Variants in PCDHGA3 observed in about 807,000 individuals in gnomAD.
The protein encoded by PCDHGA3 is protocadherin gamma-A3.
PCDHGA3 carries 40 observed loss-of-function variants against 58.5 expected under a neutral mutation model. The observed-to-expected ratio is 0.68, with a 90% confidence interval of 0.53 to 0.89. The LOEUF (loss-of-function observed/expected upper bound fraction) is 0.89. PCDHGA3 is among the 40% of genes least tolerant of loss of function. The probability of loss-of-function intolerance (pLI) is 0.00; values close to 1 mark genes in which losing one functional copy is unlikely to be tolerated. For missense variants in PCDHGA3, 1,223 were observed against 1,195.9 expected, an observed-to-expected ratio of 1.02 and a Z score of -0.33; for synonymous variants, 530 against 525.7, an observed-to-expected ratio of 1.01 and a Z score of -0.11.
intron 1 of PCDHGA3, chr5:141,376,094 A>T: frequency 6.2e-7 from 1 of 1,613,544 alleles, no homozygotes. Flanking sequence ...GATCCCCGAC[A>T]TCCTGGCCGA....
chr5:141,376,466 C>G, intron 1 of PCDHGA3: 3 of 1,614,200 alleles, frequency 1.9e-6, no homozygotes, highest in Non-Finnish European at 2.5e-6. Flanking sequence ...TCTGATAACT[C>G]AGGATTTACT....
rs764658508 is a variant in PCDHGA3 at position 141,431,546 on chromosome 5, G to A, written c.2425-63261G>A. 1.2e-6 allele frequency: 2 copies of A among 1,614,000 alleles called. No homozygotes were observed. Among genetic ancestry groups the A allele is most frequent in the Admixed American group, 3.3e-5 (2 of 60,012 alleles). On this transcript the variant is annotated intron_variant, in intron 1 of 3. Coordinates refer to ENST00000253812, the MANE Select transcript of PCDHGA3 (RefSeq NM_018916.4). This position sits in a 1 kb window ranked among gnomAD's most constrained non-coding sequence, Gnocchi z 4.8. The stretch of plus-strand genomic sequence containing the variant: ...TCTGGCCTTGGGCACGCAGCTGCTT[G>A]TAGTCAACGCTACCGACCCTGACGA...
At position 141,491,856 on chromosome 5, in the gene PCDHGA3, C is replaced by T; in HGVS notation, c.2425-2951C>T. 1.4e-6 allele frequency: 2 copies of T among 1,458,728 alleles called. No individual in the cohort carries two copies. Among genetic ancestry groups the T allele is most frequent in the Non-Finnish European group, 1.8e-6 (2 of 1,103,072 alleles). 90.4% of individuals were successfully genotyped at this position (1,458,728 alleles called of 1,614,324 possible). A position where few individuals can be genotyped will look rare whatever the true frequency, so the allele number is the denominator to read the frequency against. ...TCTCGGGATCATTGGACCGTTTGCG[C>T]GAAACCAGAGTGGCCGATTAAGGGA... On this transcript the variant is annotated intron_variant, in intron 1 of 3. Coordinates refer to ENST00000253812, the MANE Select transcript of PCDHGA3 (RefSeq NM_018916.4). The surrounding 1 kb of genome is among the most constrained non-coding windows in gnomAD (Gnocchi z 6.9).
intron 1 of PCDHGA3, among the ~76,000 whole-genome samples, chr5:141,467,809 C>T (rs1026263094): frequency 6.6e-6 from 1 of 152,056 alleles, no homozygotes. Flanking sequence ...CAGGCACATG[C>T]CACCACACCA....
In PCDHGA3 at chr5:141,406,055, T is replaced by C. The variant is rs2094752189; in HGVS notation, c.2424+59598T>C. 5.3e-5 allele frequency among the ~76,000 whole-genome samples: 8 copies of C among 150,380 alleles called. No individual in the cohort carries two copies. In the South Asian group the frequency reaches 1.5e-3, roughly 28 times the overall value. On this transcript the variant is annotated intron_variant, in intron 1 of 3. Transcript: ENST00000253812. ...CTTCATTGGTTGCAGTGGACTCATA[T>C]CATAAAATTCTTACTCCTTTTTTTT...
chr5:141,407,982 G>A (rs976187867), intron 1 of PCDHGA3: 3 of 782,892 alleles, frequency 3.8e-6, no homozygotes, highest in Non-Finnish European at 5.7e-6. Context: ...CCGGGGATCC[G>A]TCAGCCTCTG....
chr5:141,361,697 A>T, intron 1 of PCDHGA3: 1 of 1,613,448 alleles, frequency 6.2e-7, no homozygotes. Flanking sequence ...CGCGCCTTCG[A>T]TCATGAGCAG....
intron 1 of PCDHGA3, chr5:141,392,879 G>T: frequency 1.2e-6 from 2 of 1,613,512 alleles, no homozygotes; most frequent in East Asian, 2.2e-5. Flanking sequence ...TGCTGGGAAC[G>T]CTGTGGGAAA....
At chr5:141,480,910 T>C (rs985100480) in intron 1 of PCDHGA3, among the ~76,000 whole-genome samples, 5 of 152,106 alleles carry the variant, frequency 3.3e-5, no homozygotes, top group Non-Finnish European at 7.4e-5. Flanking sequence ...CTGGGCATGG[T>C]GGCGCATACC....
At chr5:141,442,158 A>T (rs966591795) in intron 1 of PCDHGA3, 1 of 157,594 alleles carries the variant, frequency 6.3e-6, no homozygotes, top group African/African-American at 2.4e-5. Context: ...CTCAGCGATC[A>T]CTCTGCAAAG....
intron 1 of PCDHGA3, chr5:141,393,940 C>T: frequency 3.7e-6 from 6 of 1,613,928 alleles, no homozygotes; most frequent in Non-Finnish European, 5.1e-6. Flanking sequence ...GACCAAGACT[C>T]TGGAAAGAAT....
intron 1 of PCDHGA3, chr5:141,350,776 T>C (rs2149758919): frequency 2.5e-6 from 4 of 1,613,926 alleles, no homozygotes; most frequent in Non-Finnish European, 2.5e-6. Context: ...TCAACCCCAA[T>C]CAATACTTCT....
chr5:141,370,278 A>G, intron 1 of PCDHGA3: 2 of 888,588 alleles, frequency 2.3e-6, no homozygotes, highest in Non-Finnish European at 3.4e-6. Flanking sequence ...GGAGACACCC[A>G]TTAGAGAACC....
intron 1 of PCDHGA3, chr5:141,413,659 A>G (rs2095663872): frequency 1.2e-6 from 2 of 1,613,830 alleles, no homozygotes; most frequent in African/African-American, 1.3e-5. Flanking sequence ...CCCGGAAGCT[A>G]TTGATCCGGA....
intron 1 of PCDHGA3, chr5:141,390,071 C>G (rs1322880756): frequency 1.2e-6 from 2 of 1,614,084 alleles, no homozygotes; most frequent in Non-Finnish European, 1.7e-6. Flanking sequence ...AGCCTGGTCT[C>G]TGTGTTAAAT....
intron 2 of PCDHGA3, among the ~76,000 whole-genome samples, chr5:141,504,563 C>G (rs1036149640): frequency 3.3e-5 from 5 of 149,436 alleles, no homozygotes; most frequent in African/African-American, 1.2e-4. Context: ...GACTGGCATT[C>G]TAGGGAACAC....
chr5:141,492,072 C>G (rs2099736816), intron 1 of PCDHGA3: 2 of 480,040 alleles, frequency 4.2e-6, no homozygotes, highest in East Asian at 3.3e-5. Context: ...TCCTAGGCGC[C>G]GGCTCCGGCA....
intron 1 of PCDHGA3, chr5:141,398,248 A>G (rs908511447): frequency 1.4e-6 from 2 of 1,472,692 alleles, no homozygotes; most frequent in African/African-American, 2.9e-5. Flanking sequence ...TCCCGAGGAA[A>G]TGCCCAAGGG....
intron 1 of PCDHGA3, chr5:141,376,373 C>G (rs368702591): frequency 1.2e-6 from 2 of 1,614,192 alleles, no homozygotes; most frequent in Non-Finnish European, 1.7e-6. Flanking sequence ...TGCAGACTCG[C>G]GTAAGAGTCA....
Sources: gnomAD v4.1 joint callset for allele counts (sites outside exome capture counted in the v4.1 genomes callset) on GRCh38, gnomAD v4.1.1 for gene constraint, Gnocchi (gnomAD v3.1) non-coding constraint, MANE v1.5 for transcripts, NCBI Gene and HGNC (gene_info 2026-07-23, HGNC 2026-07-21) for gene names.